The following SLCO6A1 variants were observed in gnomAD, a reference collection of about 807,000 sequenced individuals.
The protein encoded by SLCO6A1 is solute carrier organic anion transporter family member 6A1.
A neutral mutation model predicts 72.7 loss-of-function variants in SLCO6A1; 65 were observed. That is an observed-to-expected ratio of 0.89 (90% CI 0.73 to 1.10). SLCO6A1 has a LOEUF of 1.10. Ranked by LOEUF, SLCO6A1 falls within the 50% of genes least tolerant of loss-of-function variation. SLCO6A1 has a pLI of 0.00. For missense variants in SLCO6A1, 874 were observed against 872.6 expected, an observed-to-expected ratio of 1.00 and a Z score of -0.02; for synonymous variants, 314 against 298.2, an observed-to-expected ratio of 1.05 and a Z score of -0.55.
intron 1 of SLCO6A1, among the ~76,000 whole-genome samples, chr5:102,488,968 A>G (rs908493833): frequency 1.3e-5 from 2 of 152,220 alleles, no homozygotes; most frequent in Non-Finnish European, 1.5e-5. Flanking sequence ...AGTCACATAA[A>G]AAGTCAGGAA....
intron 12 of SLCO6A1, among the ~76,000 whole-genome samples, chr5:102,375,745 T>A (rs1745748127): frequency 6.6e-6 from 1 of 151,808 alleles, no homozygotes; most frequent in Non-Finnish European, 1.5e-5. Context: ...GTAAAATAAC[T>A]AGAAATTAAA....
chr5:102,461,626 CTTTAG>C (rs1751043602), intron 4 of SLCO6A1, among the ~76,000 whole-genome samples: 1 of 152,004 alleles, frequency 6.6e-6, no homozygotes, highest in African/African-American at 2.4e-5. Context: ...ATACAGGTAA[CTTTAG>C]TTTATGATGA....
intron 6 of SLCO6A1, among the ~76,000 whole-genome samples, chr5:102,454,757 T>C (rs1052861885): frequency 6.6e-6 from 1 of 151,846 alleles, no homozygotes; most frequent in Non-Finnish European, 1.5e-5. Context: ...AATAATTGTG[T>C]CTTAATTTTT....
chr5:102,438,053 G>C (rs1304464064), intron 7 of SLCO6A1, among the ~76,000 whole-genome samples: 4 of 152,044 alleles, frequency 2.6e-5, no homozygotes, highest in Non-Finnish European at 5.9e-5. Context: ...TACAGAAGGA[G>C]ATATCAACAA....
chr5:102,489,491 C>A (rs540704706), intron 1 of SLCO6A1, among the ~76,000 whole-genome samples: 3 of 152,148 alleles, frequency 2.0e-5, no homozygotes, highest in South Asian at 2.1e-4. Flanking sequence ...TAAAAATGAT[C>A]ATCAGATCTA....
intron 6 of SLCO6A1, among the ~76,000 whole-genome samples, chr5:102,447,655 G>A (rs570430052): frequency 5.3e-5 from 8 of 152,164 alleles, no homozygotes; most frequent in Non-Finnish European, 8.8e-5. Context: ...TCTAGTTTGC[G>A]TGCATAGTGG....
intron 9 of SLCO6A1, among the ~76,000 whole-genome samples, chr5:102,402,747 G>A (rs1448740480): frequency 6.6e-6 from 1 of 152,124 alleles, no homozygotes; most frequent in Admixed American, 6.5e-5. Flanking sequence ...AGTCTTCACG[G>A]CTGAATCACC....
rs570811078 is a variant in SLCO6A1, at chr5:102,498,838, C to T, written c.7G>A (p.Val3Ile). The T allele has an allele frequency of 8.7e-6, 14 of 1,607,870 alleles. No individual in the cohort carries two copies. The South Asian group carries it at 1.2e-4, about 14-fold the overall frequency. The change falls in exon 1 of 14, where the codon GTA becomes ATA. Residue 3 changes from valine to isoleucine, a missense_variant. Coordinates refer to ENST00000506729, the MANE Select transcript of SLCO6A1 (RefSeq NM_173488.5). The part of the protein sequence containing the change: MF[V>I]GVARHSGSQD... ...CTCCCAGAGTGCCGGGCGACGCCTA[C>T]GAACATGGCTCACCCTGGGCGGCTC... is the stretch of plus-strand genomic sequence containing the variant.
chr5:102,490,548 C>G (rs992804686), intron 1 of SLCO6A1, among the ~76,000 whole-genome samples: 3 of 152,152 alleles, frequency 2.0e-5, no homozygotes, highest in Non-Finnish European at 4.4e-5. Flanking sequence ...TCACTGACTA[C>G]AAGAATGAAA....
intron 1 of SLCO6A1, among the ~76,000 whole-genome samples, chr5:102,492,102 C>A (rs549598509): frequency 0.023 from 3,565 of 152,298 alleles, 138 homozygotes; most frequent in African/African-American, 0.081. Context: ...TATCACAAAA[C>A]AGCAAGGGGG....
chr5:102,389,016 T>C (rs1746584729), intron 11 of SLCO6A1, among the ~76,000 whole-genome samples, 191 bp from the exon 12 acceptor site: 1 of 152,216 alleles, frequency 6.6e-6, no homozygotes, highest in South Asian at 2.1e-4. Flanking sequence ...AAACAATCCA[T>C]ATCCCTCTAG....
At chr5:102,465,348 T>A (rs1311435618) in intron 4 of SLCO6A1, among the ~76,000 whole-genome samples, 1 of 152,016 alleles carries the variant, frequency 6.6e-6, no homozygotes, top group African/African-American at 2.4e-5. Context: ...ATAACTCATA[T>A]CTTACACTGT....
rs567603388 is a variant in SLCO6A1, at chr5:102,396,087, T to C, written c.1814+3468A>G. Among the ~76,000 whole-genome samples the C allele has an allele frequency of 1.8e-4, 28 of 152,326 alleles. 1 individual carries two copies. The East Asian group carries it at 5.4e-3, about 29-fold the overall frequency. ...AATTTTGGCTTTTGTTGCCATTGCT[T>C]TCAGTGTTTTAGACATGAAGTCCTT... On this transcript the variant is annotated intron_variant, in intron 10 of 13. Coordinates refer to ENST00000506729, the MANE Select transcript of SLCO6A1 (RefSeq NM_173488.5).
At chr5:102,474,963 A>T (rs1211318395) in intron 4 of SLCO6A1, among the ~76,000 whole-genome samples, 1 of 152,098 alleles carries the variant, frequency 6.6e-6, no homozygotes, top group Admixed American at 6.6e-5. Context: ...GAGAAATTGG[A>T]ACCCTGTGCA....
chr5:102,420,943 G>GTGGTCT (rs1448437944), intron 7 of SLCO6A1, among the ~76,000 whole-genome samples: 1 of 152,126 alleles, frequency 6.6e-6, no homozygotes, highest in Admixed American at 6.5e-5. Flanking sequence ...GGACTCATTA[G>GTGGTCT]ATAGCGGGTG....
At chr5:102,426,219 C>T (rs1338102140) in intron 7 of SLCO6A1, among the ~76,000 whole-genome samples, 3 of 152,048 alleles carry the variant, frequency 2.0e-5, no homozygotes, top group African/African-American at 7.2e-5. Flanking sequence ...GCAAAGACTT[C>T]GTGACTAAAA....
intron 6 of SLCO6A1, among the ~76,000 whole-genome samples, chr5:102,453,092 TC>T (rs1454232035): frequency 1.3e-5 from 2 of 152,158 alleles, no homozygotes; most frequent in Admixed American, 6.5e-5. Context: ...GGTTATGTAG[TC>T]CCCCTAATTT....
chr5:102,489,496 G>A (rs1752582212), intron 1 of SLCO6A1, among the ~76,000 whole-genome samples: 1 of 152,050 alleles, frequency 6.6e-6, no homozygotes, highest in East Asian at 1.9e-4. Context: ...ATGATCATCA[G>A]ATCTATTTTT....
intron 12 of SLCO6A1, among the ~76,000 whole-genome samples, chr5:102,382,364 T>C (rs1011376947): frequency 2.0e-5 from 3 of 151,844 alleles, no homozygotes; most frequent in Non-Finnish European, 4.4e-5. Context: ...GCCAGGACCA[T>C]GCTGTTTTGG....
Sources: gnomAD v4.1 joint callset for allele counts (sites outside exome capture counted in the v4.1 genomes callset) on GRCh38, gnomAD v4.1.1 for gene constraint, MANE v1.5 for transcripts, NCBI Gene and HGNC (gene_info 2026-07-23, HGNC 2026-07-21) for gene names.